ADAMTS8: variants seen among roughly 807,000 people sequenced by gnomAD.
ADAMTS8 encodes ADAM metallopeptidase with thrombospondin type 1 motif 8.
In ADAMTS8, 50 loss-of-function variants were observed where a neutral mutation model predicts 64.4. The ratio of observed to expected loss-of-function variants is 0.78; its 90% confidence interval spans 0.62 to 0.98. The LOEUF (loss-of-function observed/expected upper bound fraction) is 0.98, where lower values mean the gene tolerates loss of function less well. ADAMTS8 is among the 50% of genes least tolerant of loss of function. The pLI, the probability that ADAMTS8 is intolerant of heterozygous loss-of-function variation, is 0.00. For synonymous variants in ADAMTS8, 556 were observed against 533.6 expected (o/e 1.04, Z -0.58); for missense variants, 1,192 against 1,208.2 (o/e 0.99, Z 0.20).
Position 130,411,798 on chromosome 11 carries a change from C to T in ADAMTS8, c.1567-198G>A, listed in dbSNP as rs1861956445. On this transcript the variant is annotated intron_variant, in intron 5 of 8. Coordinates refer to ENST00000257359, the MANE Select transcript of ADAMTS8 (RefSeq NM_007037.6). The surrounding 1 kb of genome is among the most constrained non-coding windows in gnomAD (Gnocchi z 4.2). Reference sequence around the variant, plus strand: ...TTGTGAGCACAGAGACCAGGCTGGACTCATTCACTACTGACTCCTCAGTGT... The same window carrying T: ...TTGTGAGCACAGAGACCAGGCTGGATTCATTCACTACTGACTCCTCAGTGT... 3 of 614,420 alleles carry T rather than the reference C, an allele frequency of 4.9e-6. No individual in the cohort carries two copies. Among genetic ancestry groups the T allele is most frequent in the South Asian group, 4.0e-5 (2 of 49,794 alleles). The allele number at this position is 614,420 out of a possible 1,614,324, so 38.1% of individuals were successfully genotyped here. A position where few individuals can be genotyped will look rare whatever the true frequency, so the allele number is the denominator to read the frequency against.
In ADAMTS8 at chr11:130,425,137, G is replaced by A. The variant is rs75636394; in HGVS notation, c.720+2430C>T. ...GGGGCAAGCAGGAGCCACATCGCCCGGTCAGGAGTCTCATGAGGATGGCAA... is the reference window on the plus strand; with the variant it reads ...GGGGCAAGCAGGAGCCACATCGCCCAGTCAGGAGTCTCATGAGGATGGCAA... On this transcript the variant is annotated intron_variant, in intron 1 of 8. Transcript: ENST00000257359. Among the ~76,000 whole-genome samples, 873 of 152,176 alleles carry A rather than the reference G, an allele frequency of 5.7e-3. 7 individuals carry two copies. Among genetic ancestry groups the A allele is most frequent in the African/African-American group, 0.018 (755 of 41,518 alleles).
rs199710937 is a variant in ADAMTS8, at chr11:130,414,733, A to G, written c.1364T>C (p.Ile455Thr). Residue 455 changes from isoleucine (I) to threonine (T), a missense_variant, in exon 5 of 9, where the codon ATC becomes ACC. Around this residue, in one of 5 missense-constraint regions of ADAMTS8, gnomAD observed 741 missense variants for 710.6 expected, o/e 1.04. Coordinates refer to ENST00000257359, the MANE Select transcript of ADAMTS8 (RefSeq NM_007037.6). ...LYQLDQQCRQIFGPDFRHCPN... is the reference protein window; with the variant it reads ...LYQLDQQCRQTFGPDFRHCPN... ...GCAGTGGCGGAAATCCGGCCCAAAG[A>G]TCTGCCTGCACTGCTGGTCCAGCTG... 3 of 1,613,504 alleles carry G rather than the reference A, an allele frequency of 1.9e-6. No homozygotes were observed. The highest frequency in any genetic ancestry group is 4.5e-5 in the East Asian group (2 of 44,878).
At chr11:130,426,199 C>T (rs1228007580) in intron 1 of ADAMTS8, among the ~76,000 whole-genome samples, 3 of 152,210 alleles carry the variant, frequency 2.0e-5, no homozygotes, top group Non-Finnish European at 2.9e-5. Context: ...GCCAGAGGGG[C>T]AGCCACGTGG....
intron 6 of ADAMTS8, among the ~76,000 whole-genome samples, chr11:130,410,772 A>G (rs4936098): frequency 0.7 from 106,059 of 152,112 alleles, 37,564 homozygotes; most frequent in East Asian, 0.97. Context: ...GTTAATGTTC[A>G]TGGTTTCCAG....
At chr11:130,425,839 G>T (rs540724694) in intron 1 of ADAMTS8, among the ~76,000 whole-genome samples, 1 of 152,026 alleles carries the variant, frequency 6.6e-6, no homozygotes, top group Non-Finnish European at 1.5e-5. Context: ...CTGAGCTTGC[G>T]ATCTGCCCAC....
In ADAMTS8 at chr11:130,428,170, C is replaced by T. The variant is rs1862204962; in HGVS notation, c.117G>A (p.Glu39=). 1 of 1,376,198 alleles carries T rather than the reference C, an allele frequency of 7.3e-7. No individual in the cohort carries two copies. The highest frequency in any genetic ancestry group is 9.3e-7 in the Non-Finnish European group (1 of 1,074,470). The allele number at this position is 1,376,198 out of a possible 1,614,324, so 85.2% of individuals were successfully genotyped here. Residue 39 remains glutamate, a synonymous_variant, in exon 1 of 9, where the codon GAG becomes GAA. Transcript: ENST00000257359. ...CGGGCAACCGCGTGGGCACCACCAG[C>T]TCCGAGGCCTGCCCCCCGGCTGCGG... ...ARPAAGGQAS[E]LVVPTRLPGS... is the part of the protein sequence containing the mutation.
chr11:130,420,204 C>T (rs1290986658), intron 1 of ADAMTS8, among the ~76,000 whole-genome samples: 4 of 152,162 alleles, frequency 2.6e-5, no homozygotes, highest in South Asian at 2.1e-4. Flanking sequence ...GAGAGGATCC[C>T]GTGGGCCTAA....
chr11:130,421,931 G>A (rs527469479), intron 1 of ADAMTS8, among the ~76,000 whole-genome samples: 2 of 152,340 alleles, frequency 1.3e-5, no homozygotes, highest in South Asian at 2.1e-4. Context: ...AATGTGAACG[G>A]GGTCCTGGCC....
At position 130,416,789 on chromosome 11, in the gene ADAMTS8, G is replaced by A. The variant is rs1277900789; in HGVS notation, c.1096+151C>T. 1.7e-5 allele frequency: 21 copies of A among 1,250,870 alleles called. No homozygotes were observed. The highest frequency in any genetic ancestry group is 1.6e-4 in the East Asian group (7 of 42,672). The allele number at this position is 1,250,870 out of a possible 1,614,324, so 77.5% of individuals were successfully genotyped here. Reference sequence around the variant, plus strand: ...AGTTGTGTTCAGCACTGTCAAGCGCGGTATCTGTTTGTATACAGTCACCCT... The same window carrying A: ...AGTTGTGTTCAGCACTGTCAAGCGCAGTATCTGTTTGTATACAGTCACCCT... On this transcript the variant is annotated intron_variant, in intron 3 of 8. Transcript: ENST00000257359. The surrounding 1 kb of genome is among the most constrained non-coding windows in gnomAD (Gnocchi z 4.8).
chr11:130,409,483 T>C (rs759368751), intron 6 of ADAMTS8, among the ~76,000 whole-genome samples: 14 of 152,184 alleles, frequency 9.2e-5, no homozygotes, highest in Non-Finnish European at 1.9e-4. Context: ...CCGATGGTCC[T>C]TCCACGAACT....
In ADAMTS8 at chr11:130,411,315, TCCCGGGACA is replaced by T; in HGVS notation, c.1750+93_1750+101del. ...ACTCCCCTCTGGGAGTAACTCTATA[TCCCGGGACA>T]CCCACTTCACTCCCACTTTACACAT... On this transcript the variant is annotated intron_variant, in intron 6 of 8. Transcript: ENST00000257359. The surrounding 1 kb of genome is among the most constrained non-coding windows in gnomAD (Gnocchi z 4.2). The T allele has an allele frequency of 4.9e-6, 7 of 1,427,592 alleles. No homozygotes were observed. Among genetic ancestry groups the T allele is most frequent in the Non-Finnish European group, 6.7e-6 (7 of 1,044,044 alleles). 88.4% of individuals were successfully genotyped at this position (1,427,592 alleles called of 1,614,324 possible).
At chr11:130,422,084 G>A (rs963967274) in intron 1 of ADAMTS8, among the ~76,000 whole-genome samples, 3 of 152,164 alleles carry the variant, frequency 2.0e-5, no homozygotes, top group Admixed American at 2.0e-4. Context: ...ACTTTTGTTA[G>A]GGAGAGGCGG....
At position 130,427,812 on chromosome 11, in the gene ADAMTS8, G is replaced by A. The variant is rs773774254; in HGVS notation, c.475C>T (p.Arg159Cys). ...CACTCGGGTCCTCGCGGGAGGGGGC[G>A]GGCTCCGGCGGGACCCCAGCGCTGC... ...RLQRWGPAGA[R>C]PLPRGPEWEV... Residue 159 changes from arginine (R) to cysteine (C), a missense_variant, in exon 1 of 9, where the codon CGC (arginine) becomes TGC (cysteine). By Grantham distance (180) the Arg-to-Cys change is radical. Transcript: ENST00000257359. 7 of 1,561,744 alleles carry A rather than the reference G, an allele frequency of 4.5e-6. No homozygotes were observed. Among genetic ancestry groups the A allele is most frequent in the African/African-American group, 1.4e-5 (1 of 73,642 alleles).
In ADAMTS8 at chr11:130,417,037, A is replaced by G. The variant is rs1555074130; in HGVS notation, c.999T>C (p.Gly333=). The change falls in exon 3 of 9, where the codon GGT becomes GGC. Residue 333 remains glycine, a synonymous_variant. Coordinates refer to ENST00000257359, the MANE Select transcript of ADAMTS8 (RefSeq NM_007037.6). ...CGQEGLCDTL[G]VADIGTICDP... ...CACAAATGGTCCCGATGTCTGCCAC[A>G]CCCAGGGTGTCACACAGCCCCTCCT... 4 of 1,613,764 alleles carry G rather than the reference A, an allele frequency of 2.5e-6. No individual in the cohort carries two copies. In the South Asian group the frequency reaches 4.4e-5, roughly 18 times the overall value.
At position 130,411,683 on chromosome 11, in the gene ADAMTS8, G is replaced by A; in HGVS notation, c.1567-83C>T. ...GTGTCACTGGGTGGCCAATGCCCTG[G>A]CTTCCTCATCTAGTCATTATCATCT... On this transcript the variant is annotated intron_variant, in intron 5 of 8. Coordinates refer to ENST00000257359, the MANE Select transcript of ADAMTS8 (RefSeq NM_007037.6). The surrounding 1 kb of genome is among the most constrained non-coding windows in gnomAD (Gnocchi z 4.2). The A allele has an allele frequency of 7.1e-7, 1 of 1,409,836 alleles. No individual in the cohort carries two copies. Among genetic ancestry groups the A allele is most frequent in the Non-Finnish European group, 9.8e-7 (1 of 1,018,534 alleles). 87.3% of individuals were successfully genotyped at this position (1,409,836 alleles called of 1,614,324 possible).
chr11:130,404,935 C>T lies in ADAMTS8; in HGVS notation c.*623G>A. On this transcript the variant is annotated 3_prime_UTR_variant, in exon 9 of 9. Coordinates refer to ENST00000257359, the MANE Select transcript of ADAMTS8 (RefSeq NM_007037.6). ...CCAGACCACTGCATTGGCATAAGAT[C>T]ACACTTTAGTTCAGAGACACATTTG... is the stretch of plus-strand genomic sequence containing the variant. The T allele has an allele frequency of 1.0e-6, 1 of 966,772 alleles. No homozygotes were observed. Among genetic ancestry groups the T allele is most frequent in the Non-Finnish European group, 1.2e-6 (1 of 812,490 alleles). 59.9% of individuals were successfully genotyped at this position (966,772 alleles called of 1,614,324 possible).
chr11:130,428,409 G>A lies in ADAMTS8; in HGVS notation c.-123C>T. ...GAAAAGCGGAATCAATCGGGTGCAA[G>A]GCCGACTCGGCCCGCGGGGCCCGGC... On this transcript the variant is annotated 5_prime_UTR_variant, in exon 1 of 9. Coordinates refer to ENST00000257359, the MANE Select transcript of ADAMTS8 (RefSeq NM_007037.6). 9.0e-7 allele frequency: 1 copy of A among 1,111,936 alleles called. No individual in the cohort carries two copies. Among genetic ancestry groups the A allele is most frequent in the Non-Finnish European group, 1.1e-6 (1 of 909,674 alleles). The allele number at this position is 1,111,936 out of a possible 1,614,324, so 68.9% of individuals were successfully genotyped here.
Position 130,419,251 on chromosome 11 carries a change from G to A in ADAMTS8, c.762C>T (p.Tyr254=), listed in dbSNP as rs752926678. 1.2e-6 allele frequency: 2 copies of A among 1,614,056 alleles called. No homozygotes were observed. Among genetic ancestry groups the A allele is most frequent in the Non-Finnish European group, 8.5e-7 (1 of 1,180,040 alleles). ...LTLMSVAARI[Y]KHPSIKNSIN... ...TGGAATTCTTGATGCTGGGGTGCTT[G>A]TAGATTCGGGCTGCCACAGACATTA... is the stretch of plus-strand genomic sequence containing the variant. The change falls in exon 2 of 9, where the codon TAC becomes TAT. Residue 254 remains tyrosine, a synonymous_variant. Transcript: ENST00000257359.
At chr11:130,414,437 G>A (rs929405526) in intron 5 of ADAMTS8, 94 bp downstream of exon 5, 11 of 1,424,992 alleles carry the variant, frequency 7.7e-6, no homozygotes, top group Non-Finnish European at 1.0e-5. Flanking sequence ...TGACTCTCAA[G>A]TGTGGTTTCC....
Sources: gnomAD v4.1 joint callset for allele counts (sites outside exome capture counted in the v4.1 genomes callset) on GRCh38, gnomAD v4.1.1 for gene constraint, gnomAD v4.1.1 regional missense constraint, Gnocchi (gnomAD v3.1) non-coding constraint, MANE v1.5 for transcripts, NCBI Gene and HGNC (gene_info 2026-07-23, HGNC 2026-07-21) for gene names.